SPINK5: variants seen among roughly 807,000 people sequenced by gnomAD.
The protein encoded by SPINK5 is serine peptidase inhibitor Kazal type 5.
In SPINK5, 125 loss-of-function variants were observed where a neutral mutation model predicts 151.8. That is an observed-to-expected ratio of 0.82 (90% confidence interval 0.71 to 0.96). The LOEUF (loss-of-function observed/expected upper bound fraction) is 0.96, where lower values mean the gene tolerates loss of function less well. Among genes scored for constraint, SPINK5 ranks in the 40% least tolerant of loss-of-function variants. The pLI, the probability that SPINK5 is intolerant of heterozygous loss-of-function variation, is 0.00. For synonymous variants in SPINK5, 374 were observed against 395.3 expected (o/e 0.95, Z 0.64); for missense variants, 1,194 against 1,291.9 (o/e 0.92, Z 1.16).
rs374003659 is a variant in SPINK5 at position 148,133,822 on chromosome 5, C to T, written c.3121C>T (p.Arg1041Cys). ...GATACGCCAAACAAATACACACATCCGCAGTACAGGGAAGTGTGAGGAGAG... is the reference window on the plus strand; with the variant it reads ...GATACGCCAAACAAATACACACATCTGCAGTACAGGGAAGTGTGAGGAGAG... ...NLIRQTNTHI[R>C]STGKCEESST... The change falls in exon 32 of 33, where the codon CGC becomes TGC. Residue 1041 changes from arginine (R) to cysteine (C), a missense_variant. Coordinates refer to ENST00000256084, the MANE Select transcript of SPINK5 (RefSeq NM_006846.4). 4.3e-5 allele frequency: 70 copies of T among 1,613,856 alleles called. No individual in the cohort carries two copies. The highest frequency in any genetic ancestry group is 5.3e-5 in the Non-Finnish European group (62 of 1,179,962).
intron 11 of SPINK5, among the ~76,000 whole-genome samples, chr5:148,098,264 G>A (rs1368692130): frequency 6.6e-6 from 1 of 151,956 alleles, no homozygotes; most frequent in Admixed American, 6.6e-5. Context: ...CCTTACTCCT[G>A]AAACTTCACA....
chr5:148,086,576 C>G, intron 5 of SPINK5, 44 bp downstream of exon 5: 1 of 1,602,088 alleles, frequency 6.2e-7, no homozygotes, highest in South Asian at 1.1e-5. Context: ...AACGTGTTCT[C>G]TCTATAATTA....
intron 30 of SPINK5, among the ~76,000 whole-genome samples, chr5:148,127,610 T>C (rs1436026771): frequency 6.6e-6 from 1 of 152,010 alleles, no homozygotes; most frequent in Non-Finnish European, 1.5e-5. Flanking sequence ...CCCAGCACTG[T>C]GGGAGGCCAA....
chr5:148,084,444 A>C (rs944339047), intron 4 of SPINK5, among the ~76,000 whole-genome samples: 1 of 151,826 alleles, frequency 6.6e-6, no homozygotes, highest in Non-Finnish European at 1.5e-5. Flanking sequence ...TCCACCACCT[A>C]GGGGTTTGGA....
intron 19 of SPINK5, among the ~76,000 whole-genome samples, chr5:148,112,595 C>T (rs565763421): frequency 6.6e-6 from 1 of 152,144 alleles, no homozygotes; most frequent in African/African-American, 2.4e-5. Flanking sequence ...ATTGCTTGAA[C>T]CCAGGAGAAG....
chr5:148,136,052 A>G (rs774919905), intron 32 of SPINK5, among the ~76,000 whole-genome samples: 1 of 152,110 alleles, frequency 6.6e-6, no homozygotes, highest in South Asian at 2.1e-4. Context: ...GTCACTTATT[A>G]AAGTCCCTTA....
intron 4 of SPINK5, among the ~76,000 whole-genome samples, chr5:148,081,487 A>G (rs180962210): frequency 9.9e-5 from 15 of 151,892 alleles, no homozygotes; most frequent in Non-Finnish European, 2.1e-4. Flanking sequence ...CTTCAAAAAC[A>G]CTATGCAAAG....
intron 2 of SPINK5, 58 bp from the exon 3 acceptor site, chr5:148,070,265 A>G (rs1752701890): frequency 1.9e-6 from 3 of 1,593,526 alleles, no homozygotes; most frequent in South Asian, 2.2e-5. Context: ...ATATATATCA[A>G]AATAAAGCTT....
intron 4 of SPINK5, among the ~76,000 whole-genome samples, chr5:148,082,016 A>G (rs1461125929): frequency 1.3e-5 from 2 of 151,666 alleles, no homozygotes; most frequent in Non-Finnish European, 2.9e-5. Context: ...CATATATGCA[A>G]TTTGGTTTTT....
chr5:148,088,927 C>T (rs1753233422), intron 6 of SPINK5: 1 of 476,434 alleles, frequency 2.1e-6, no homozygotes, highest in Non-Finnish European at 4.0e-6. Context: ...CGTTAAAACC[C>T]CAGCAGTGTC....
At chr5:148,073,814 TCACACACA>T (rs67549762) in intron 4 of SPINK5, among the ~76,000 whole-genome samples, 2,285 of 113,782 alleles carry the variant, frequency 0.02, 54 homozygotes, top group Middle Eastern at 0.064. Context: ...TATGCCTGAG[TCACACACA>T]CACACACACA....
chr5:148,073,155 G>A (rs2127192961), intron 4 of SPINK5, among the ~76,000 whole-genome samples: 1 of 151,958 alleles, frequency 6.6e-6, no homozygotes. Flanking sequence ...GGTCTCCTAT[G>A]CAGTTTCTTC....
Position 148,111,814 on chromosome 5 carries a change from C to T in SPINK5, c.1739C>T (p.Pro580Leu), listed in dbSNP as rs770045852. 6.2e-7 allele frequency: 1 copy of T among 1,614,032 alleles called. No homozygotes were observed. The highest frequency in any genetic ancestry group is 8.5e-7 in the Non-Finnish European group (1 of 1,179,946). Reference sequence around the variant, plus strand: ...CATTATGTGAGGAATGGACGACTCCCCTGTACCAGAGAGAATGATCCTATT... The same window carrying T: ...CATTATGTGAGGAATGGACGACTCCTCTGTACCAGAGAGAATGATCCTATT... ...YRHYVRNGRL[P>L]CTRENDPIEG... Residue 580 changes from proline to leucine, a missense_variant, in exon 19 of 33, where the codon CCC (proline) becomes CTC (leucine). Pro to Leu is a moderately conservative substitution (Grantham distance 98). Transcript: ENST00000256084.
intron 30 of SPINK5, among the ~76,000 whole-genome samples, chr5:148,128,238 A>G (rs1175201477): frequency 6.6e-6 from 1 of 151,906 alleles, no homozygotes; most frequent in Non-Finnish European, 1.5e-5. Context: ...TTTTTTAAAT[A>G]CTAAAGTATA....
rs1554106267 is a variant in SPINK5 at position 148,118,982 on chromosome 5, C to G, written c.2241-4C>G. Reference sequence around the variant, plus strand: ...AGATGAATATTCACTTTTTTCTCCTCCAGGGAAAGAGAAGCAGAGAGAAAA... The same window carrying G: ...AGATGAATATTCACTTTTTTCTCCTGCAGGGAAAGAGAAGCAGAGAGAAAA... On this transcript the variant is annotated splice_region_variant and splice_polypyrimidine_tract_variant and intron_variant, in intron 23 of 32. Transcript: ENST00000256084. 10 of 1,613,728 alleles carry G rather than the reference C, an allele frequency of 6.2e-6. No individual in the cohort carries two copies. Among genetic ancestry groups the G allele is most frequent in the Admixed American group, 1.7e-5 (1 of 60,010 alleles).
At chr5:148,066,267 A>G (rs1752582181) in intron 2 of SPINK5, among the ~76,000 whole-genome samples, 1 of 152,144 alleles carries the variant, frequency 6.6e-6, no homozygotes, top group Admixed American at 6.6e-5. Context: ...AAATTTTTTA[A>G]TCTATTTGAA....
At chr5:148,068,169 T>C (rs1367508785) in intron 2 of SPINK5, among the ~76,000 whole-genome samples, 1 of 152,128 alleles carries the variant, frequency 6.6e-6, no homozygotes, top group Non-Finnish European at 1.5e-5. Flanking sequence ...TGCCCAGTTA[T>C]TAATCTGTGT....
At chr5:148,121,680 G>A (rs1754269833) in intron 26 of SPINK5, among the ~76,000 whole-genome samples, 1 of 151,744 alleles carries the variant, frequency 6.6e-6, no homozygotes, top group Non-Finnish European at 1.5e-5. Context: ...TATGGAGGCA[G>A]GGTGTGGTAA....
intron 5 of SPINK5, among the ~76,000 whole-genome samples, chr5:148,087,498 C>G (rs751965234): frequency 2.6e-5 from 4 of 151,772 alleles, no homozygotes; most frequent in Non-Finnish European, 5.9e-5. Context: ...TCATCTTTTG[C>G]AGGATGGTAT....
Sources: gnomAD v4.1 joint callset for allele counts (sites outside exome capture counted in the v4.1 genomes callset) on GRCh38, gnomAD v4.1.1 for gene constraint, MANE v1.5 for transcripts, NCBI Gene and HGNC (gene_info 2026-07-23, HGNC 2026-07-21) for gene names.